The following CDK19 variants were observed in gnomAD, a reference collection of about 807,000 sequenced individuals.
The protein encoded by CDK19 is cyclin-dependent kinase 19.
Under a neutral mutation model 68.3 loss-of-function variants are expected in CDK19, and 20 were observed. The ratio of observed to expected loss-of-function variants is 0.29; its 90% CI spans 0.21 to 0.43. CDK19 has a LOEUF of 0.43. Ranked by LOEUF, CDK19 falls within the 20% of genes least tolerant of loss-of-function variation. CDK19 has a pLI of 1.00. For missense variants in CDK19, 339 were observed against 623.5 expected (o/e 0.54, Z 4.86); for synonymous variants, 221 against 222.8 (o/e 0.99, Z 0.07).
intron 1 of CDK19, chr6:110,813,754 T>C (rs1363679261): frequency 6.6e-6 from 1 of 152,262 alleles, no homozygotes; most frequent in Non-Finnish European, 1.5e-5. Context: ...GCACACAACG[T>C]ACTTTAGTCC....
At position 110,646,427 on chromosome 6, in the gene CDK19, C is replaced by T. The variant is rs943423417; in HGVS notation, c.457-7721G>A. ...GGCGGGCGGCGACATGGCCTTCCCGCGCCGCAGCTACCCCATGCACCGCCT... is the reference window on the plus strand; with the variant it reads ...GGCGGGCGGCGACATGGCCTTCCCGTGCCGCAGCTACCCCATGCACCGCCT... On this transcript the variant is annotated intron_variant, in intron 4 of 12. Transcript: ENST00000368911. 5 of 1,498,992 alleles carry T rather than the reference C, an allele frequency of 3.3e-6. No individual in the cohort carries two copies. In the African/African-American group the frequency reaches 4.2e-5, roughly 12 times the overall value. 92.9% of individuals were successfully genotyped at this position (1,498,992 alleles called of 1,614,324 possible).
At chr6:110,742,149 G>C (rs1777726276) in intron 2 of CDK19, among the ~76,000 whole-genome samples, 1 of 152,222 alleles carries the variant, frequency 6.6e-6, no homozygotes, top group Admixed American at 6.5e-5. Context: ...TGGAGCCGCA[G>C]CAGAGGAACA....
chr6:110,643,341 A>G (rs141276161), intron 4 of CDK19: 1 of 451,700 alleles, frequency 2.2e-6, no homozygotes, highest in East Asian at 7.5e-5. Flanking sequence ...CAAACTGCCA[A>G]AGGAAAGCTG....
chr6:110,790,729 TTCTC>T (rs569775978), intron 1 of CDK19, among the ~76,000 whole-genome samples: 17 of 152,170 alleles, frequency 1.1e-4, no homozygotes, highest in Non-Finnish European at 2.2e-4. Flanking sequence ...CTTTAGAAAG[TTCTC>T]TCTTTCAGAA....
intron 2 of CDK19, among the ~76,000 whole-genome samples, chr6:110,683,877 ATTT>A (rs75226189): frequency 7.6e-6 from 1 of 131,774 alleles, no homozygotes; most frequent in Non-Finnish European, 1.7e-5. Context: ...CATTTTTTGT[ATTT>A]TTTTTTTTTT....
At chr6:110,706,999 TAAAAAAA>T (rs35488029) in intron 2 of CDK19, 6 of 132,192 alleles carry the variant, frequency 4.5e-5, no homozygotes, top group Non-Finnish European at 9.5e-5. Context: ...CTTTTACAGT[TAAAAAAA>T]AAAAAAAAAA....
At chr6:110,654,443 T>A (rs950060467) in intron 4 of CDK19, among the ~76,000 whole-genome samples, 1 of 152,252 alleles carries the variant, frequency 6.6e-6, no homozygotes, top group Admixed American at 6.5e-5. Flanking sequence ...ATCATTGTGG[T>A]TGCAACTTCC....
chr6:110,760,539 G>A (rs949705437), intron 1 of CDK19, among the ~76,000 whole-genome samples: 2 of 151,900 alleles, frequency 1.3e-5, no homozygotes, highest in African/African-American at 4.8e-5. Context: ...ACTAGCCTGG[G>A]CAACACAATG....
At chr6:110,644,139 A>G (rs1461774833) in intron 4 of CDK19, among the ~76,000 whole-genome samples, 1 of 152,058 alleles carries the variant, frequency 6.6e-6, no homozygotes, top group Non-Finnish European at 1.5e-5. Flanking sequence ...TGAAAATACA[A>G]AAATTAGCCG....
At chr6:110,768,867 T>C (rs146731196) in intron 1 of CDK19, among the ~76,000 whole-genome samples, 7 of 152,180 alleles carry the variant, frequency 4.6e-5, no homozygotes, top group African/African-American at 1.4e-4. Flanking sequence ...CAAACCCAAA[T>C]GAAGGCCAGG....
At chr6:110,803,771 G>T (rs991948465) in intron 1 of CDK19, among the ~76,000 whole-genome samples, 4 of 152,180 alleles carry the variant, frequency 2.6e-5, no homozygotes, top group Non-Finnish European at 4.4e-5. Flanking sequence ...TTCGAGACCA[G>T]TCTGGGCAAC....
chr6:110,743,901 C>G (rs1236317849), intron 2 of CDK19, among the ~76,000 whole-genome samples: 2 of 151,862 alleles, frequency 1.3e-5, no homozygotes, highest in Non-Finnish European at 2.9e-5. Context: ...AGAAAAATAG[C>G]CCACCAATAA....
intron 2 of CDK19, among the ~76,000 whole-genome samples, chr6:110,676,277 G>A (rs1771528710): frequency 6.6e-6 from 1 of 152,132 alleles, no homozygotes; most frequent in African/African-American, 2.4e-5. Context: ...GTTTGGATAA[G>A]GAGTTGCTTC....
Position 110,641,646 on chromosome 6 carries a change from A to AAAGGAAGG in CDK19, c.457-2948_457-2941dup, listed in dbSNP as rs71553305. Among the ~76,000 whole-genome samples the AAAGGAAGG allele has an allele frequency of 4.5e-3, 587 of 131,430 alleles. 13 individuals carry two copies. The highest frequency in any genetic ancestry group is 0.019 in the Admixed American group (253 of 13,026). The allele number at this position is 131,430 out of a possible 152,430, so 86.2% of individuals were successfully genotyped here. On this transcript the variant is annotated intron_variant, in intron 4 of 12. Transcript: ENST00000368911. The stretch of plus-strand genomic sequence containing the variant: ...GGAGAGGAAAGGAGGAAAGGGAAAG[A>AAAGGAAGG]AAGGAAGGAAGGAAGGAAGGAAGGA...
intron 1 of CDK19, chr6:110,814,496 C>A (rs948687952): frequency 9.8e-6 from 4 of 407,154 alleles, no homozygotes; most frequent in African/African-American, 6.4e-5. Context: ...CGGTGCCCAG[C>A]GGGTCAGAGC....
At chr6:110,716,856 G>C (rs1775441844) in intron 2 of CDK19, among the ~76,000 whole-genome samples, 1 of 152,148 alleles carries the variant, frequency 6.6e-6, no homozygotes, top group African/African-American at 2.4e-5. Flanking sequence ...GAATGTGGCA[G>C]GGTGCAGTGG....
At chr6:110,787,560 C>T (rs1431627548) in intron 1 of CDK19, among the ~76,000 whole-genome samples, 1 of 151,608 alleles carries the variant, frequency 6.6e-6, no homozygotes, top group African/African-American at 2.4e-5. Flanking sequence ...GATTCTCCAA[C>T]GTCAGCCTCA....
intron 4 of CDK19, among the ~76,000 whole-genome samples, chr6:110,648,811 G>A (rs1438828332): frequency 6.6e-6 from 1 of 151,872 alleles, no homozygotes; most frequent in Non-Finnish European, 1.5e-5. Flanking sequence ...TCCACCTCCC[G>A]GGTTCACGCC....
At chr6:110,737,576 T>G (rs1777339446) in intron 2 of CDK19, among the ~76,000 whole-genome samples, 1 of 152,164 alleles carries the variant, frequency 6.6e-6, no homozygotes. Context: ...AGGTTCTATT[T>G]GCTCGCTGGC....
Sources: gnomAD v4.1 joint callset for allele counts (sites outside exome capture counted in the v4.1 genomes callset) on GRCh38, gnomAD v4.1.1 for gene constraint, MANE v1.5 for transcripts, NCBI Gene and HGNC (gene_info 2026-07-23, HGNC 2026-07-21) for gene names.